PRKCE: variants seen among roughly 807,000 people sequenced by gnomAD.
The protein encoded by PRKCE is protein kinase C epsilon.
Under a neutral mutation model 85.4 loss-of-function variants are expected in PRKCE, and 16 were observed. The ratio of observed to expected loss-of-function variants is 0.19; its 90% confidence interval spans 0.13 to 0.28. The LOEUF (loss-of-function observed/expected upper bound fraction) is 0.28. PRKCE is among the 10% of genes least tolerant of loss of function. The pLI is 1.00. For missense variants in PRKCE, 573 were observed against 975.2 expected (o/e 0.59, Z 5.49); for synonymous variants, 388 against 371.5 (o/e 1.04, Z -0.51).
At chr2:46,054,028 C>G (rs1229730776) in intron 10 of PRKCE, among the ~76,000 whole-genome samples, 1 of 152,194 alleles carries the variant, frequency 6.6e-6, no homozygotes, top group East Asian at 1.9e-4. Flanking sequence ...TGCATAGGTC[C>G]TTACTGCTCT....
chr2:45,799,714 C>T (rs1208321809), intron 1 of PRKCE, among the ~76,000 whole-genome samples: 1 of 152,204 alleles, frequency 6.6e-6, no homozygotes, highest in East Asian at 1.9e-4. Flanking sequence ...GGGCTCAGGG[C>T]AGGCTCCTGT....
At chr2:45,792,986 A>G (rs1379205515) in intron 1 of PRKCE, among the ~76,000 whole-genome samples, 1 of 152,098 alleles carries the variant, frequency 6.6e-6, no homozygotes, top group African/African-American at 2.4e-5. Context: ...TTTAGTAGAG[A>G]CGGGGTTTCA....
Position 45,783,353 on chromosome 2 carries a change from T to C in PRKCE, c.349-59647T>C, listed in dbSNP as rs116189349. On this transcript the variant is annotated intron_variant, in intron 1 of 14. Coordinates refer to ENST00000306156, the MANE Select transcript of PRKCE (RefSeq NM_005400.3). The stretch of plus-strand genomic sequence containing the variant: ...GTGAGCCTTTTTATATAAAAATCAC[T>C]GTGTGCACTTGTGCACACATAGACC... 6.9e-3 allele frequency among the ~76,000 whole-genome samples: 1,049 copies of C among 152,292 alleles called. 13 individuals are homozygous for C. The highest frequency in any genetic ancestry group is 0.024 in the African/African-American group (992 of 41,578).
Position 46,001,489 on chromosome 2 carries a change from G to C in PRKCE, c.909G>C (p.Leu303=), listed in dbSNP as rs1704677447. 1.3e-6 allele frequency: 2 copies of C among 1,599,376 alleles called. No homozygotes were observed. The highest frequency in any genetic ancestry group is 2.7e-5 in the African/African-American group (2 of 74,964). ...GVDARGIAKV[L]ADLGVTPDKI... ...ATGCCAGAGGAATCGCCAAAGTACT[G>C]GCCGACCTGGGCGTTACCCCAGACA... is the stretch of plus-strand genomic sequence containing the variant. The change falls in exon 7 of 15, where the codon CTG becomes CTC. Residue 303 remains leucine (L), a synonymous_variant. Coordinates refer to ENST00000306156, the MANE Select transcript of PRKCE (RefSeq NM_005400.3). This position sits in a 1 kb window ranked among gnomAD's most constrained non-coding sequence, Gnocchi z 4.4.
intron 2 of PRKCE, among the ~76,000 whole-genome samples, chr2:45,873,633 T>G (rs897295599): frequency 5.3e-5 from 8 of 152,222 alleles, no homozygotes; most frequent in African/African-American, 1.9e-4. Context: ...CTTTGCCAAA[T>G]GAAGTCAGCA....
At chr2:45,945,986 G>A (rs1700219151) in intron 2 of PRKCE, among the ~76,000 whole-genome samples, 1 of 152,242 alleles carries the variant, frequency 6.6e-6, no homozygotes, top group South Asian at 2.1e-4. Context: ...GGTGGATTCA[G>A]TGCAGTGCTC....
At chr2:45,950,570 C>T (rs1404858505) in intron 2 of PRKCE, among the ~76,000 whole-genome samples, 1 of 152,042 alleles carries the variant, frequency 6.6e-6, no homozygotes, top group Non-Finnish European at 1.5e-5. Context: ...AAGGTCATTA[C>T]CAGGGTTTAT....
intron 2 of PRKCE, among the ~76,000 whole-genome samples, chr2:45,873,068 G>C (rs1694214848): frequency 6.6e-6 from 1 of 152,228 alleles, no homozygotes. Flanking sequence ...GCCCAGGTCT[G>C]CTAAGGGCCT....
At chr2:46,067,959 C>CTTGTAAAAAAAAAAGAGA (rs1667764803) in intron 10 of PRKCE, among the ~76,000 whole-genome samples, 1 of 152,120 alleles carries the variant, frequency 6.6e-6, no homozygotes, top group African/African-American at 2.4e-5. Context: ...AGAGAATGCA[C>CTTGTAAAAAAAAAAGAGA]ATTTTTTACA....
intron 1 of PRKCE, among the ~76,000 whole-genome samples, chr2:45,797,532 C>T (rs576064254): frequency 4.6e-5 from 7 of 152,342 alleles, no homozygotes; most frequent in Admixed American, 1.3e-4. Context: ...GCTTCTTGCA[C>T]GCACCAGGCT....
intron 10 of PRKCE, among the ~76,000 whole-genome samples, chr2:46,043,817 T>A (rs1404265450): frequency 6.6e-6 from 1 of 152,270 alleles, no homozygotes; most frequent in Non-Finnish European, 1.5e-5. Flanking sequence ...TATCAATTTG[T>A]TCTGAAAACA....
At chr2:46,088,907 C>A (rs930863769) in intron 11 of PRKCE, among the ~76,000 whole-genome samples, 1 of 152,202 alleles carries the variant, frequency 6.6e-6, no homozygotes, top group Admixed American at 6.5e-5. Flanking sequence ...CACACCAACT[C>A]ATGCTGCACA....
chr2:45,932,249 A>G (rs993015877), intron 2 of PRKCE, among the ~76,000 whole-genome samples: 9 of 152,122 alleles, frequency 5.9e-5, no homozygotes, highest in African/African-American at 2.2e-4. Context: ...ATGTTTTTGC[A>G]TGTAGTTTAT....
At chr2:45,947,732 G>A (rs541676039) in intron 2 of PRKCE, among the ~76,000 whole-genome samples, 2 of 152,106 alleles carry the variant, frequency 1.3e-5, no homozygotes, top group African/African-American at 4.8e-5. Flanking sequence ...CCAATTGATA[G>A]GCACTTAGGC....
intron 2 of PRKCE, among the ~76,000 whole-genome samples, chr2:45,929,010 T>C (rs1402069950): frequency 1.3e-5 from 2 of 152,190 alleles, no homozygotes; most frequent in African/African-American, 4.8e-5. Context: ...AATTTGGAAT[T>C]GTGCGTTCTT....
At chr2:46,024,180 A>G (rs1483596188) in intron 10 of PRKCE, among the ~76,000 whole-genome samples, 5 of 152,194 alleles carry the variant, frequency 3.3e-5, no homozygotes, top group African/African-American at 9.7e-5. Context: ...GGGTGACTGA[A>G]CTACTTACGT....
rs560270269 is a variant in PRKCE, at chr2:45,932,173, G to T, written c.413-44256G>T. Among the ~76,000 whole-genome samples, 5 of 152,234 alleles carry T rather than the reference G, an allele frequency of 3.3e-5. No individual in the cohort carries two copies. In the East Asian group the frequency reaches 9.7e-4, roughly 29 times the overall value. On this transcript the variant is annotated intron_variant, in intron 2 of 14. Coordinates refer to ENST00000306156, the MANE Select transcript of PRKCE (RefSeq NM_005400.3). ...TTTTACTTGGTTTTGAACTCTACAT[G>T]GATTTATACAGTGTATACTGTTGTG...
chr2:46,034,378 G>C (rs1707723898), intron 10 of PRKCE, among the ~76,000 whole-genome samples: 1 of 152,196 alleles, frequency 6.6e-6, no homozygotes, highest in Non-Finnish European at 1.5e-5. Flanking sequence ...TGGTGATTAG[G>C]GCTCTTCCCC....
At chr2:45,873,851 C>T (rs570140402) in intron 2 of PRKCE, among the ~76,000 whole-genome samples, 6 of 152,324 alleles carry the variant, frequency 3.9e-5, no homozygotes, top group Admixed American at 6.5e-5. Context: ...CCACCCACTC[C>T]GCCCCAAAAA....
Sources: gnomAD v4.1 joint callset for allele counts (sites outside exome capture counted in the v4.1 genomes callset) on GRCh38, gnomAD v4.1.1 for gene constraint, Gnocchi (gnomAD v3.1) non-coding constraint, MANE v1.5 for transcripts, NCBI Gene and HGNC (gene_info 2026-07-23, HGNC 2026-07-21) for gene names.